The following SP2 variants were observed in gnomAD, a reference collection of about 807,000 sequenced individuals.
SP2 encodes Sp2 transcription factor.
A neutral mutation model predicts 50.1 loss-of-function variants in SP2; 9 were observed. The ratio of observed to expected loss-of-function variants is 0.18; its 90% CI spans 0.11 to 0.31. The LOEUF (loss-of-function observed/expected upper bound fraction) is 0.31. Among genes scored for constraint, SP2 ranks in the 10% least tolerant of loss-of-function variants. SP2 has a pLI of 1.00. For synonymous variants in SP2, 313 were observed against 326.6 expected (o/e 0.96, Z 0.45); for missense variants, 581 against 806.5 (o/e 0.72, Z 3.39).
chr17:47,929,322 T>C (rs141803094), downstream of SP2, among the ~76,000 whole-genome samples: 283 of 152,352 alleles, frequency 1.9e-3, no homozygotes, highest in Non-Finnish European at 3.4e-3. Context: ...AGGAAGGCAT[T>C]GGCCTCAGAG....
chr17:47,902,189 CA>C (rs2034569538), intron 1 of SP2, among the ~76,000 whole-genome samples: 2 of 151,964 alleles, frequency 1.3e-5, no homozygotes, highest in Admixed American at 1.3e-4. Flanking sequence ...GAGAGAAGAG[CA>C]ATGCAAAGAC....
At position 47,916,744 on chromosome 17, in the gene SP2, A is replaced by C; in HGVS notation, c.673A>C (p.Thr225Pro). 1.9e-6 allele frequency: 3 copies of C among 1,613,148 alleles called. No homozygotes were observed. Reference sequence around the variant, plus strand: ...CAACAACCTTGTGAACGCCAGTGACACCGGGGCCCCTACTCAGCTCCTCAC... The same window carrying C: ...CAACAACCTTGTGAACGCCAGTGACCCCGGGGCCCCTACTCAGCTCCTCAC... The part of the protein sequence containing the change: ...PVNNLVNASD[T>P]GAPTQLLTES... The change falls in exon 3 of 7, where the codon ACC (threonine) becomes CCC (proline). Residue 225 changes from threonine to proline, a missense_variant. Physicochemically the swap from Thr to Pro is conservative, Grantham distance 38. This residue lies in a region of SP2 where 397 missense variants were observed against 491.0 expected (regional missense o/e 0.81). Coordinates refer to ENST00000376741, the MANE Select transcript of SP2 (RefSeq NM_003110.6). This position sits in a 1 kb window ranked among gnomAD's most constrained non-coding sequence, Gnocchi z 4.7.
At chr17:47,927,590 G>A in intron 6 of SP2, 134 bp from the exon 7 acceptor site, 1 of 571,374 alleles carries the variant, frequency 1.8e-6, no homozygotes, top group Non-Finnish European at 3.2e-6. Flanking sequence ...AAATGTGAGA[G>A]CAGGAGGTGG....
chr17:47,915,466 G>T (rs967592682), intron 2 of SP2, 78 bp downstream of exon 2: 3 of 895,824 alleles, frequency 3.3e-6, no homozygotes, highest in Non-Finnish European at 5.2e-6. Context: ...TCTCTTCACT[G>T]TCTCACTATA....
chr17:47,918,455 A>G (rs1448673624), intron 3 of SP2: 1 of 152,128 alleles, frequency 6.6e-6, no homozygotes, highest in African/African-American at 2.4e-5. Flanking sequence ...GACCTACCTT[A>G]CAGGTGAAGA....
At chr17:47,922,404 T>C (rs1340612382) in intron 3 of SP2, among the ~76,000 whole-genome samples, 4 of 152,228 alleles carry the variant, frequency 2.6e-5, no homozygotes, top group Non-Finnish European at 4.4e-5. Context: ...GTCTGTTTCC[T>C]GCTGTCTCAC....
At chr17:47,906,822 C>T (rs1184815981) in intron 1 of SP2, among the ~76,000 whole-genome samples, 2 of 152,108 alleles carry the variant, frequency 1.3e-5, no homozygotes, top group Non-Finnish European at 1.5e-5. Flanking sequence ...ACAGGTCTAA[C>T]ACGTGGAGCA....
At chr17:47,903,388 A>G (rs1185008178) in intron 1 of SP2, among the ~76,000 whole-genome samples, 3 of 151,882 alleles carry the variant, frequency 2.0e-5, no homozygotes, top group Non-Finnish European at 4.4e-5. Context: ...AGAAGAGGCC[A>G]GGCGCGGTGG....
intron 3 of SP2, 110 bp downstream of exon 3, chr17:47,917,240 GT>G: frequency 8.3e-7 from 1 of 1,199,430 alleles, no homozygotes; most frequent in Non-Finnish European, 1.2e-6. Context: ...TTGAGAGTCA[GT>G]ATCTTTTGGG....
chr17:47,915,407 C>T lies in SP2; in HGVS notation c.84+19C>T. 1.3e-6 allele frequency: 2 copies of T among 1,588,952 alleles called. No homozygotes were observed. The highest frequency in any genetic ancestry group is 1.7e-6 in the Non-Finnish European group (2 of 1,159,954). The stretch of plus-strand genomic sequence containing the variant: ...CACCCAGGCGAGTAGGCAGTGGGCT[C>T]CGAGGGCTTGGGGCTGCAGCATCCT... On this transcript the variant is annotated intron_variant, in intron 2 of 6. Coordinates refer to ENST00000376741, the MANE Select transcript of SP2 (RefSeq NM_003110.6).
chr17:47,910,116 G>A (rs2034924444), intron 1 of SP2, among the ~76,000 whole-genome samples: 1 of 152,168 alleles, frequency 6.6e-6, no homozygotes, highest in Non-Finnish European at 1.5e-5. Context: ...TGGGATTACA[G>A]GCGTGAGCCA....
chr17:47,917,475 C>G (rs1003500918), intron 3 of SP2, among the ~76,000 whole-genome samples: 1 of 151,808 alleles, frequency 6.6e-6, no homozygotes, highest in East Asian at 1.9e-4. Flanking sequence ...TGAAAACATT[C>G]CAGTTCATAG....
At position 47,916,525 on chromosome 17, in the gene SP2, C is replaced by G; in HGVS notation, c.454C>G (p.Leu152Val). ...CCAAACCATCCAAGTACAGCCCAATCTCACCAACCAGATCCAGATCATCCC... is the reference window on the plus strand; with the variant it reads ...CCAAACCATCCAAGTACAGCCCAATGTCACCAACCAGATCCAGATCATCCC... ...NSQTIQVQPN[L>V]TNQIQIIPGT... The change falls in exon 3 of 7, where the codon CTC becomes GTC. Residue 152 changes from leucine (L) to valine (V), a missense_variant. Around this residue, in one of 2 missense-constraint regions of SP2, gnomAD observed 397 missense variants for 491.0 expected, o/e 0.81. Coordinates refer to ENST00000376741, the MANE Select transcript of SP2 (RefSeq NM_003110.6). This position sits in a 1 kb window ranked among gnomAD's most constrained non-coding sequence, Gnocchi z 4.7. 1.2e-6 allele frequency: 2 copies of G among 1,614,142 alleles called. No individual in the cohort carries two copies. Among genetic ancestry groups the G allele is most frequent in the Non-Finnish European group, 8.5e-7 (1 of 1,180,022 alleles).
intron 1 of SP2, among the ~76,000 whole-genome samples, chr17:47,905,735 G>A (rs1384896554): frequency 6.6e-6 from 1 of 152,150 alleles, no homozygotes; most frequent in East Asian, 1.9e-4. Context: ...GGACAGTGCC[G>A]AAGGGTGCCT....
intron 3 of SP2, among the ~76,000 whole-genome samples, chr17:47,920,922 A>G (rs1407185305): frequency 1.3e-5 from 2 of 152,014 alleles, no homozygotes; most frequent in East Asian, 3.8e-4. Context: ...GAAACTCTCT[A>G]CCCTTTAGCC....
At position 47,921,394 on chromosome 17, in the gene SP2, G is replaced by A. The variant is rs949801337; in HGVS notation, c.1060-1568G>A. Reference sequence around the variant, plus strand: ...CTCCCCAGTAGCTGGGATTACAGGCGTGCGCCATCCCTCCCGGCTAATTTT... The same window carrying A: ...CTCCCCAGTAGCTGGGATTACAGGCATGCGCCATCCCTCCCGGCTAATTTT... On this transcript the variant is annotated intron_variant, in intron 3 of 6. Coordinates refer to ENST00000376741, the MANE Select transcript of SP2 (RefSeq NM_003110.6). Among the ~76,000 whole-genome samples the A allele has an allele frequency of 3.9e-5, 6 of 152,218 alleles. No individual in the cohort carries two copies. The East Asian group carries it at 1.2e-3, about 29-fold the overall frequency.
At chr17:47,913,953 T>G (rs2035088334) in intron 1 of SP2, among the ~76,000 whole-genome samples, 1 of 152,222 alleles carries the variant, frequency 6.6e-6, no homozygotes, top group South Asian at 2.1e-4. Context: ...TAAACAAAAA[T>G]AGAATTTACT....
In SP2 at chr17:47,916,720, A is replaced by G; in HGVS notation, c.649A>G (p.Asn217Asp). The change falls in exon 3 of 7, where the codon AAC (asparagine) becomes GAC (aspartate). Residue 217 changes from asparagine to aspartate, a missense_variant. Around this residue, in one of 2 missense-constraint regions of SP2, gnomAD observed 397 missense variants for 491.0 expected, o/e 0.81. Coordinates refer to ENST00000376741, the MANE Select transcript of SP2 (RefSeq NM_003110.6). The surrounding 1 kb of genome is among the most constrained non-coding windows in gnomAD (Gnocchi z 4.7). ...CAATGTGACGCTCACTCTGCCCGTC[A>G]ACAACCTTGTGAACGCCAGTGACAC... ...GGNVTLTLPVNNLVNASDTGA... is the reference protein window; with the variant it reads ...GGNVTLTLPVDNLVNASDTGA... 1 of 1,613,344 alleles carries G rather than the reference A, an allele frequency of 6.2e-7. No homozygotes were observed. The highest frequency in any genetic ancestry group is 8.5e-7 in the Non-Finnish European group (1 of 1,179,462).
rs1439338688 is a variant in SP2 at position 47,916,776 on chromosome 17, C to T, written c.705C>T (p.Ser235=). 4 of 1,613,336 alleles carry T rather than the reference C, an allele frequency of 2.5e-6. No homozygotes were observed. Among genetic ancestry groups the T allele is most frequent in the East Asian group, 2.2e-5 (1 of 44,868 alleles). ...TGAPTQLLTE[S]PPTPLSKTNK... ...CCCCTACTCAGCTCCTCACTGAAAG[C>T]CCCCCAACCCCGCTGTCTAAGACTA... The change falls in exon 3 of 7, where the codon AGC becomes AGT. Residue 235 remains serine (S), a synonymous_variant. Transcript: ENST00000376741. This position sits in a 1 kb window ranked among gnomAD's most constrained non-coding sequence, Gnocchi z 4.7.
Sources: gnomAD v4.1 joint callset for allele counts (sites outside exome capture counted in the v4.1 genomes callset) on GRCh38, gnomAD v4.1.1 for gene constraint, gnomAD v4.1.1 regional missense constraint, Gnocchi (gnomAD v3.1) non-coding constraint, MANE v1.5 for transcripts, NCBI Gene and HGNC (gene_info 2026-07-23, HGNC 2026-07-21) for gene names.